Variants in SPATA6 observed in about 807,000 individuals in gnomAD.
SPATA6 encodes the protein spermatogenesis associated 6, also known as spermatogenesis-associated protein 6.
In SPATA6, 56 loss-of-function variants were observed where a neutral mutation model predicts 65.3. The ratio of observed to expected loss-of-function variants is 0.86; its 90% confidence interval spans 0.69 to 1.07. The LOEUF is 1.07. SPATA6 is among the 50% of genes least tolerant of loss of function. The pLI is 0.00. For missense variants in SPATA6, 590 were observed against 594.8 expected, an observed-to-expected ratio of 0.99 and a Z score of 0.08; for synonymous variants, 199 against 213.2, an observed-to-expected ratio of 0.93 and a Z score of 0.58.
intron 3 of SPATA6, among the ~76,000 whole-genome samples, chr1:48,413,711 T>G (rs756491663): frequency 6.6e-6 from 1 of 152,132 alleles, no homozygotes; most frequent in Non-Finnish European, 1.5e-5. Flanking sequence ...CACCAACACC[T>G]GTGCCATCAA....
chr1:48,333,787 G>A (rs374571942), intron 11 of SPATA6, among the ~76,000 whole-genome samples: 15 of 152,008 alleles, frequency 9.9e-5, no homozygotes, highest in South Asian at 4.2e-4. Context: ...AAGAATAACC[G>A]AAATCAGAGC....
chr1:48,318,582 T>C (rs771018905), intron 11 of SPATA6, among the ~76,000 whole-genome samples: 1 of 152,098 alleles, frequency 6.6e-6, no homozygotes, highest in Non-Finnish European at 1.5e-5. Context: ...TGGCTTAAAA[T>C]GAACACTGAA....
intron 9 of SPATA6, among the ~76,000 whole-genome samples, chr1:48,375,813 T>C (rs1176882055): frequency 6.6e-6 from 1 of 152,186 alleles, no homozygotes; most frequent in African/African-American, 2.4e-5. Flanking sequence ...CTAAACAGCA[T>C]GATTTCACCA....
At chr1:48,264,410 T>A in the SPATA6 span, among the ~76,000 whole-genome samples, 21 of 152,222 alleles carry the variant, frequency 1.4e-4, 1 homozygote, top group African/African-American at 5.1e-4. Flanking sequence ...GGGATGCATG[T>A]GCAGAACATG....
chr1:48,444,319 CTG>C (rs1312790290), intron 3 of SPATA6, among the ~76,000 whole-genome samples: 2 of 151,780 alleles, frequency 1.3e-5, no homozygotes, highest in Non-Finnish European at 2.9e-5. Flanking sequence ...AATCAGCACT[CTG>C]TAAAAACGCA....
At chr1:48,403,083 G>A (rs1180215363) in intron 6 of SPATA6, among the ~76,000 whole-genome samples, 1 of 152,090 alleles carries the variant, frequency 6.6e-6, no homozygotes, top group Non-Finnish European at 1.5e-5. Context: ...GACTGATGCA[G>A]AAGGATTGCT....
At chr1:48,276,780 T>C in the SPATA6 span, among the ~76,000 whole-genome samples, 2 of 152,226 alleles carry the variant, frequency 1.3e-5, no homozygotes, top group Non-Finnish European at 2.9e-5. Flanking sequence ...ATGAGTACGA[T>C]GTGGTGCTGA....
chr1:48,404,033 T>C (rs1651442281), intron 5 of SPATA6, 151 bp from the exon 6 acceptor site: 1 of 535,206 alleles, frequency 1.9e-6, no homozygotes, highest in African/African-American at 2.0e-5. Context: ...AAAGACAACA[T>C]AGTATGGCTA....
chr1:48,302,454 C>T (rs1644962320), intron 12 of SPATA6, among the ~76,000 whole-genome samples: 1 of 152,148 alleles, frequency 6.6e-6, no homozygotes, highest in Non-Finnish European at 1.5e-5. Context: ...GTTTAGCTCC[C>T]ATTTACAATG....
chr1:48,317,605 C>T (rs1645475464), intron 11 of SPATA6, among the ~76,000 whole-genome samples: 1 of 151,730 alleles, frequency 6.6e-6, no homozygotes, highest in Non-Finnish European at 1.5e-5. Context: ...TGCAGCACAC[C>T]AACATAGCAC....
At chr1:48,413,080 TA>T (rs761459911) in intron 4 of SPATA6, 29 bp downstream of exon 4, 11 of 762,788 alleles carry the variant, frequency 1.4e-5, no homozygotes, top group Non-Finnish European at 1.7e-5. Flanking sequence ...TGATATCTTA[TA>T]TTGTATATAT....
chr1:48,293,285 C>G (rs1317525601), downstream of SPATA6, among the ~76,000 whole-genome samples: 2 of 152,188 alleles, frequency 1.3e-5, no homozygotes, highest in Non-Finnish European at 2.9e-5. Context: ...TGGTAATGAG[C>G]TGTGCCAGCC....
intron 11 of SPATA6, among the ~76,000 whole-genome samples, chr1:48,349,672 C>A (rs1448053302): frequency 1.3e-5 from 2 of 151,794 alleles, no homozygotes; most frequent in Non-Finnish European, 2.9e-5. Context: ...ATCTTCTGTC[C>A]CCCTCCTTAC....
At chr1:48,451,810 A>T (rs891866728) in intron 2 of SPATA6, among the ~76,000 whole-genome samples, 2 of 152,030 alleles carry the variant, frequency 1.3e-5, no homozygotes, top group African/African-American at 4.8e-5. Context: ...CTCTGCTAGC[A>T]TTCTTCCTCT....
At chr1:48,469,819 G>A (rs771311418) in intron 1 of SPATA6, among the ~76,000 whole-genome samples, 12 of 151,124 alleles carry the variant, frequency 7.9e-5, no homozygotes, top group Non-Finnish European at 1.5e-4. Context: ...TGGGGGGGGC[G>A]GTCAGGGGCG....
chr1:48,333,257 G>T (rs891420633), intron 11 of SPATA6, among the ~76,000 whole-genome samples: 1 of 152,210 alleles, frequency 6.6e-6, no homozygotes, highest in Admixed American at 6.5e-5. Context: ...TTTCTCCCAT[G>T]CTGCATGCTT....
At chr1:48,436,448 T>C in intron 3 of SPATA6, 1 of 1,607,334 alleles carries the variant, frequency 6.2e-7, no homozygotes. Flanking sequence ...GAAACTTTAA[T>C]AAGAAACATT....
At chr1:48,400,880 A>G in intron 6 of SPATA6, 2 of 1,235,692 alleles carry the variant, frequency 1.6e-6, no homozygotes. Context: ...GAATTTTTCT[A>G]CCATATCCAT....
At chr1:48,352,408 CA>C (rs1557599471) in intron 11 of SPATA6, among the ~76,000 whole-genome samples, 1 of 152,012 alleles carries the variant, frequency 6.6e-6, no homozygotes, top group Non-Finnish European at 1.5e-5. Context: ...GTTTCAACAG[CA>C]AAACCTCATG....
Sources: gnomAD v4.1 joint callset for allele counts (sites outside exome capture counted in the v4.1 genomes callset) on GRCh38, gnomAD v4.1.1 for gene constraint, MANE v1.5 for transcripts, NCBI Gene and HGNC (gene_info 2026-07-23, HGNC 2026-07-21) for gene names.